The following VPS53 variants were observed in gnomAD, a reference collection of about 807,000 sequenced individuals.
VPS53 encodes the protein VPS53 subunit of GARP complex, also known as vacuolar protein sorting-associated protein 53 homolog.
VPS53 carries 70 observed loss-of-function variants against 107.0 expected under a neutral mutation model. The observed-to-expected ratio is 0.65, with a 90% CI of 0.54 to 0.80. The LOEUF (loss-of-function observed/expected upper bound fraction) is 0.80, where lower values mean the gene tolerates loss of function less well. Among genes scored for constraint, VPS53 ranks in the 30% least tolerant of loss-of-function variants. The probability of loss-of-function intolerance (pLI) is 0.00; values close to 1 mark genes in which losing one functional copy is unlikely to be tolerated. For missense variants in VPS53, 917 were observed against 1,049.4 expected (o/e 0.87, Z 1.74); for synonymous variants, 409 against 393.3 (o/e 1.04, Z -0.47).
chr17:607,675 A>C (rs1968649597), intron 11 of VPS53, among the ~76,000 whole-genome samples: 1 of 152,204 alleles, frequency 6.6e-6, no homozygotes, highest in African/African-American at 2.4e-5. Flanking sequence ...AAAGCCAAAA[A>C]TTTCCAAGAA....
At chr17:526,867 C>G (rs909113367) in intron 19 of VPS53, among the ~76,000 whole-genome samples, 1 of 152,092 alleles carries the variant, frequency 6.6e-6, no homozygotes, top group Non-Finnish European at 1.5e-5. Flanking sequence ...GAAAATTTTG[C>G]GTAAATAAGA....
At chr17:578,997 C>G (rs375596559) in intron 13 of VPS53, among the ~76,000 whole-genome samples, 2 of 150,708 alleles carry the variant, frequency 1.3e-5, no homozygotes, top group African/African-American at 2.4e-5. Context: ...GAACCCCCAA[C>G]AGAATCTCAG....
intron 4 of VPS53, among the ~76,000 whole-genome samples, chr17:685,964 G>C (rs957496669): frequency 6.6e-6 from 1 of 151,678 alleles, no homozygotes; most frequent in African/African-American, 2.4e-5. Flanking sequence ...AGCTATGCAC[G>C]CCACACTCCA....
At chr17:672,109 G>GACACAC (rs10630363) in intron 4 of VPS53, among the ~76,000 whole-genome samples, 18,116 of 108,614 alleles carry the variant, frequency 0.17, 1,260 homozygotes, top group South Asian at 0.19. Flanking sequence ...TGATGAGGGT[G>GACACAC]ACACACACAC....
At chr17:653,721 T>A (rs1056239937) in intron 6 of VPS53, among the ~76,000 whole-genome samples, 1 of 152,210 alleles carries the variant, frequency 6.6e-6, no homozygotes, top group African/African-American at 2.4e-5. Flanking sequence ...AGTGATGAAT[T>A]CTCATTTGGT....
rs1971297085 is a variant in VPS53 at position 658,396 on chromosome 17, C to T, written c.373-2443G>A. Among the ~76,000 whole-genome samples, 5 of 142,706 alleles carry T rather than the reference C, an allele frequency of 3.5e-5. No homozygotes were observed. The South Asian group carries it at 1.2e-3, about 33-fold the overall frequency. The allele number at this position is 142,706 out of a possible 152,430, so 93.6% of individuals were successfully genotyped here. The stretch of plus-strand genomic sequence containing the variant: ...TCGGCCGTGAGTTCGTGGATAGATA[C>T]ATCCCACTGAAGTGAGAAACTCGGC... On this transcript the variant is annotated intron_variant, in intron 5 of 21. Coordinates refer to ENST00000437048, the MANE Select transcript of VPS53 (RefSeq NM_001128159.3).
At chr17:659,242 G>A (rs1246028608) in intron 5 of VPS53, among the ~76,000 whole-genome samples, 6 of 151,964 alleles carry the variant, frequency 3.9e-5, no homozygotes, top group East Asian at 1.9e-4. Flanking sequence ...CTCTTCCAGC[G>A]TTTTTAGCTT....
chr17:688,248 T>C (rs1462631619), intron 4 of VPS53, among the ~76,000 whole-genome samples: 1 of 152,114 alleles, frequency 6.6e-6, no homozygotes, highest in African/African-American at 2.4e-5. Flanking sequence ...ATTCACGTGA[T>C]AGTAAGTTCT....
chr17:703,367 C>G (rs1433405673), intron 2 of VPS53, among the ~76,000 whole-genome samples: 6 of 144,818 alleles, frequency 4.1e-5, no homozygotes, highest in Non-Finnish European at 9.0e-5. Flanking sequence ...TAGCATCTAC[C>G]TCTAACGCAA....
intron 17 of VPS53, 24 bp downstream of exon 17, chr17:551,848 G>A: frequency 6.4e-7 from 1 of 1,563,078 alleles, no homozygotes; most frequent in Non-Finnish European, 8.7e-7. Context: ...TTAGTTTGTA[G>A]GATGCCATTT....
At chr17:648,842 G>A (rs1970815531) in intron 7 of VPS53, among the ~76,000 whole-genome samples, 1 of 131,556 alleles carries the variant, frequency 7.6e-6, no homozygotes, top group African/African-American at 2.7e-5. Flanking sequence ...CAGAGGAATG[G>A]TACAGGCACT....
At position 661,804 on chromosome 17, in the gene VPS53, C is replaced by A; in HGVS notation, c.372+5G>T. 1 of 1,551,942 alleles carries A rather than the reference C, an allele frequency of 6.4e-7. No homozygotes were observed. Among genetic ancestry groups the A allele is most frequent in the Non-Finnish European group, 8.7e-7 (1 of 1,146,940 alleles). On this transcript the variant is annotated splice_donor_5th_base_variant and intron_variant, in intron 5 of 21. Coordinates refer to ENST00000437048, the MANE Select transcript of VPS53 (RefSeq NM_001128159.3). ...CAAAAAGGTTAGGAAGAAACCAGAA[C>A]TCACCATTTGCTCTGATTTTTCAGC...
intron 12 of VPS53, among the ~76,000 whole-genome samples, chr17:596,178 A>G (rs1443937391): frequency 6.6e-6 from 1 of 152,226 alleles, no homozygotes; most frequent in African/African-American, 2.4e-5. Flanking sequence ...GCATGTGAAG[A>G]AGTTTTAGAA....
At chr17:643,207 ACTGAGGACAACAC>A (rs1970517518) in intron 7 of VPS53, among the ~76,000 whole-genome samples, 5 of 47,904 alleles carry the variant, frequency 1.0e-4, no homozygotes, top group African/African-American at 4.1e-4. Context: ...ATACTTGGCA[ACTGAGGACAACAC>A]TCATACTTGG....
At chr17:690,071 G>A (rs1044035349) in intron 4 of VPS53, among the ~76,000 whole-genome samples, 2 of 151,778 alleles carry the variant, frequency 1.3e-5, no homozygotes, top group East Asian at 1.9e-4. Flanking sequence ...CTGACGGCAC[G>A]TCACACGGCT....
At position 554,137 on chromosome 17, in the gene VPS53, T is replaced by C. The variant is rs150520230; in HGVS notation, c.1705-675A>G. On this transcript the variant is annotated intron_variant, in intron 15 of 21. Transcript: ENST00000437048. ...CCACCCACAATGGAAACCTTTGGTG[T>C]TGAGTAGCAGTAAAACCAGCTAAAA... Among the ~76,000 whole-genome samples the C allele has an allele frequency of 6.5e-3, 983 of 152,288 alleles. 8 individuals carry two copies. Among genetic ancestry groups the C allele is most frequent in the Non-Finnish European group, 0.011 (729 of 68,018 alleles).
At chr17:560,904 G>A in intron 14 of VPS53, among the ~76,000 whole-genome samples, 1 of 152,224 alleles carries the variant, frequency 6.6e-6, no homozygotes, top group Non-Finnish European at 1.5e-5. Context: ...GGACCGTGTG[G>A]AGCACGAAAG....
intron 2 of VPS53, among the ~76,000 whole-genome samples, chr17:703,086 G>A (rs1355439640): frequency 6.6e-6 from 1 of 152,170 alleles, no homozygotes; most frequent in East Asian, 1.9e-4. Flanking sequence ...GTGCACACCT[G>A]TGGTCCCAGC....
chr17:552,310 CG>C, intron 16 of VPS53, among the ~76,000 whole-genome samples: 1 of 137,880 alleles, frequency 7.3e-6, no homozygotes, highest in Non-Finnish European at 1.7e-5. Flanking sequence ...TTTGATTCTT[CG>C]TCAATAAGTG....
Sources: allele counts gnomAD v4.1 joint callset (sites outside exome capture counted in the v4.1 genomes callset), GRCh38; gene constraint gnomAD v4.1.1; transcripts MANE v1.5; gene names NCBI Gene and HGNC (gene_info 2026-07-23, HGNC 2026-07-21).